The following RNF10 variants were observed in gnomAD, a reference collection of about 807,000 sequenced individuals.
The protein encoded by RNF10 is ring finger protein 10.
RNF10 carries 38 observed loss-of-function variants against 91.4 expected under a neutral mutation model. The observed-to-expected ratio is 0.42, with a 90% confidence interval of 0.32 to 0.54. The LOEUF (loss-of-function observed/expected upper bound fraction) is 0.54, where lower values mean the gene tolerates loss of function less well. RNF10 is among the 20% of genes least tolerant of loss of function. The probability of loss-of-function intolerance (pLI) is 0.16; values close to 1 mark genes in which losing one functional copy is unlikely to be tolerated. For missense variants in RNF10, 945 were observed against 1,012.0 expected (o/e 0.93, Z 0.90); for synonymous variants, 364 against 366.3 (o/e 0.99, Z 0.07).
chr12:120,538,491 A>G (rs775427244), intron 1 of RNF10, among the ~76,000 whole-genome samples: 1 of 152,224 alleles, frequency 6.6e-6, no homozygotes, highest in Non-Finnish European at 1.5e-5. Context: ...TTGCCTGAAC[A>G]TTTATATAAC....
At chr12:120,553,103 A>T (rs1873398865) in intron 3 of RNF10, among the ~76,000 whole-genome samples, 8 of 75,246 alleles carry the variant, frequency 1.1e-4, no homozygotes, top group Non-Finnish European at 1.2e-4. Context: ...TTTTTTTTTG[A>T]GATGTAGTCT....
At position 120,563,597 on chromosome 12, in the gene RNF10, G is replaced by T. The variant is rs1875238383; in HGVS notation, c.1505G>T (p.Ser502Ile). The change falls in exon 9 of 17, where the codon AGC becomes ATC. Residue 502 changes from serine (S) to isoleucine (I), a missense_variant. Transcript: ENST00000325954. ...AAGTCAGGCTTCACACGCCTCAGCA[G>T]CTCTCCTTGTTACTACTTTTACCAA... ...ITKSGFTRLS[S>I]SPCYYFYQAE... is the part of the protein sequence containing the mutation. The T allele has an allele frequency of 6.2e-7, 1 of 1,607,216 alleles. No individual in the cohort carries two copies. The highest frequency in any genetic ancestry group is 1.7e-5 in the Admixed American group (1 of 59,302).
intron 13 of RNF10, 118 bp from the exon 14 acceptor site, chr12:120,571,073 T>C: frequency 1.5e-6 from 1 of 663,868 alleles, no homozygotes; most frequent in Non-Finnish European, 2.6e-6. Flanking sequence ...TTTGCTTTTT[T>C]TTTTTTGAGG....
In RNF10 at chr12:120,557,323, C is replaced by T. The variant is rs1159173609; in HGVS notation, c.687C>T (p.Leu229=). The T allele has an allele frequency of 2.5e-6, 4 of 1,614,170 alleles. No homozygotes were observed. The highest frequency in any genetic ancestry group is 4.5e-5 in the East Asian group (2 of 44,882). ...SHEVPSCPIC[L]YPPTAAKITR... Reference sequence around the variant, plus strand: ...AAGTGCCATCTTGCCCAATATGCCTCTATCCACCTACTGCAGCCAAGATAA... The same window carrying T: ...AAGTGCCATCTTGCCCAATATGCCTTTATCCACCTACTGCAGCCAAGATAA... The change falls in exon 5 of 17, where the codon CTC becomes CTT. Residue 229 remains leucine (L), a synonymous_variant. Coordinates refer to ENST00000325954, the MANE Select transcript of RNF10 (RefSeq NM_014868.5).
intron 1 of RNF10, among the ~76,000 whole-genome samples, chr12:120,538,625 G>A (rs947840910): frequency 6.6e-6 from 1 of 152,150 alleles, no homozygotes; most frequent in Non-Finnish European, 1.5e-5. Context: ...GTTAGAAAGT[G>A]GGGAAAGTCA....
In RNF10 at chr12:120,563,634, C is replaced by T. The variant is rs377608191; in HGVS notation, c.1531+11C>T. 1.9e-5 allele frequency: 30 copies of T among 1,585,252 alleles called. No individual in the cohort carries two copies. The Admixed American group carries it at 1.9e-4, about 10-fold the overall frequency. On this transcript the variant is annotated intron_variant, in intron 9 of 16. Transcript: ENST00000325954. Reference sequence around the variant, plus strand: ...ACTACTTTTACCAAGGTGAGGGTGCCGGAAGAGAGGGCTGGGTTGCCGCAG... The same window carrying T: ...ACTACTTTTACCAAGGTGAGGGTGCTGGAAGAGAGGGCTGGGTTGCCGCAG...
chr12:120,563,694 A>G, intron 9 of RNF10, 71 bp downstream of exon 9: 3 of 1,571,192 alleles, frequency 1.9e-6, no homozygotes, highest in Middle Eastern at 1.9e-4. Context: ...CTCTAAGCAG[A>G]GGAGCGCCAC....
chr12:120,534,463 C>T lies in RNF10; in HGVS notation c.-349C>T, dbSNP rs536753633. On this transcript the variant is annotated 5_prime_UTR_variant, in exon 1 of 17. Transcript: ENST00000325954. The stretch of plus-strand genomic sequence containing the variant: ...AGTCCCCGACACCGAGACAGCCAGC[C>T]CTCTCCCCTGCCTCGCGGCGGGAGA... The T allele has an allele frequency of 3.3e-5, 7 of 213,650 alleles. No individual in the cohort carries two copies. The East Asian group carries it at 7.8e-4, about 24-fold the overall frequency. The allele number at this position is 213,650 out of a possible 1,614,324, so 13.2% of individuals were successfully genotyped here.
intron 13 of RNF10, among the ~76,000 whole-genome samples, 194 bp from the exon 14 acceptor site, chr12:120,570,997 C>G (rs61945909): frequency 6.6e-6 from 1 of 151,766 alleles, no homozygotes; most frequent in East Asian, 1.9e-4. Context: ...CTGTACCGGT[C>G]GCTGATTTCA....
intron 1 of RNF10, among the ~76,000 whole-genome samples, chr12:120,541,515 A>G (rs1871565060): frequency 6.7e-6 from 1 of 149,344 alleles, no homozygotes; most frequent in Non-Finnish European, 1.5e-5. Flanking sequence ...GCTCACTGCT[A>G]GCCCCGCCTC....
Position 120,576,596 on chromosome 12 carries a change from AAGG to A in RNF10, c.2371_2373del (p.Gly791del). 6.2e-7 allele frequency: 1 copy of A among 1,613,960 alleles called. No homozygotes were observed. Among genetic ancestry groups the A allele is most frequent in the Non-Finnish European group, 8.5e-7 (1 of 1,179,896 alleles). On this transcript the variant is annotated inframe_deletion, in exon 17 of 17. Transcript: ENST00000325954. ...TTTCTGTGTCTCCCTTTAGAAGAGA[AAGG>A]AGGAAAGAAAAGAAAAAAACAGAAA...
intron 2 of RNF10, among the ~76,000 whole-genome samples, chr12:120,549,045 G>T (rs532745775): frequency 6.6e-6 from 1 of 152,194 alleles, no homozygotes; most frequent in African/African-American, 2.4e-5. Flanking sequence ...AAAGTGATGT[G>T]GGGAAAAGGG....
At chr12:120,565,619 C>A in intron 12 of RNF10, 90 bp downstream of exon 12, 1 of 1,046,242 alleles carries the variant, frequency 9.6e-7, no homozygotes, top group East Asian at 2.5e-5. Context: ...AGACCTTAGC[C>A]ACTTGTTTTC....
At chr12:120,548,158 T>G (rs2137158920) in intron 2 of RNF10, among the ~76,000 whole-genome samples, 1 of 152,318 alleles carries the variant, frequency 6.6e-6, no homozygotes, top group South Asian at 2.1e-4. Flanking sequence ...AACTTCAGTT[T>G]GGAAATGTTA....
rs951010572 is a variant in RNF10 at position 120,565,196 on chromosome 12, A to G, written c.1783+7A>G. ...ACCCTAGAGATGTTCTCAGGTGAGA[A>G]TGCCCCTGCTCTGCTTCTCTTTATA... On this transcript the variant is annotated splice_region_variant and intron_variant, in intron 11 of 16. Coordinates refer to ENST00000325954, the MANE Select transcript of RNF10 (RefSeq NM_014868.5). The G allele has an allele frequency of 1.3e-6, 2 of 1,557,578 alleles. No individual in the cohort carries two copies. The highest frequency in any genetic ancestry group is 1.4e-5 in the African/African-American group (1 of 73,916).
At position 120,557,463 on chromosome 12, in the gene RNF10, A is replaced by G. The variant is rs764739398; in HGVS notation, c.827A>G (p.Lys276Arg). Residue 276 changes from lysine (K) to arginine (R), a missense_variant, in exon 5 of 17, where the codon AAG (lysine) becomes AGG (arginine). Physicochemically the swap from Lys to Arg is conservative, Grantham distance 26. Coordinates refer to ENST00000325954, the MANE Select transcript of RNF10 (RefSeq NM_014868.5). ...CYSSVHKKDL[K>R]SVVATESHQY... Reference sequence around the variant, plus strand: ...AGTTCTGTGCATAAGAAGGATCTCAAGAGGTGAGATTGAGACATTTACTCA... The same window carrying G: ...AGTTCTGTGCATAAGAAGGATCTCAGGAGGTGAGATTGAGACATTTACTCA... 17 of 1,613,792 alleles carry G rather than the reference A, an allele frequency of 1.1e-5. No homozygotes were observed. The East Asian group carries it at 1.1e-4, about 11-fold the overall frequency.
rs763743417 is a variant in RNF10 at position 120,557,431 on chromosome 12, C to T, written c.795C>T (p.Ile265=). 39 of 1,614,204 alleles carry T rather than the reference C, an allele frequency of 2.4e-5. No individual in the cohort carries two copies. In the East Asian group the frequency reaches 6.9e-4, roughly 29 times the overall value. The stretch of plus-strand genomic sequence containing the variant: ...AGAAGACGTGGAGTAAATGTCCCAT[C>T]TGTTACAGTTCTGTGCATAAGAAGG... ...LSEKTWSKCP[I]CYSSVHKKDL... is the part of the protein sequence containing the mutation. The change falls in exon 5 of 17, where the codon ATC becomes ATT. Residue 265 remains isoleucine (I), a synonymous_variant. Transcript: ENST00000325954.
chr12:120,547,198 A>G (rs1872471009), intron 2 of RNF10, among the ~76,000 whole-genome samples: 1 of 152,228 alleles, frequency 6.6e-6, no homozygotes, highest in Admixed American at 6.5e-5. Flanking sequence ...ATAGAGAGTA[A>G]CAAGGAAAAC....
intron 2 of RNF10, among the ~76,000 whole-genome samples, chr12:120,549,412 A>T (rs1872727833): frequency 6.6e-6 from 1 of 152,162 alleles, no homozygotes; most frequent in South Asian, 2.1e-4. Flanking sequence ...TGTCTGCTGC[A>T]GGGCTGATGT....
Sources: allele counts gnomAD v4.1 joint callset (sites outside exome capture counted in the v4.1 genomes callset), GRCh38; gene constraint gnomAD v4.1.1; transcripts MANE v1.5; gene names NCBI Gene and HGNC (gene_info 2026-07-23, HGNC 2026-07-21).